Variants in ABCB9 observed in about 807,000 individuals in gnomAD.
The protein encoded by ABCB9 is ATP binding cassette subfamily B member 9, also known as ABC-type oligopeptide transporter ABCB9.
Under a neutral mutation model 62.0 loss-of-function variants are expected in ABCB9, and 36 were observed. That is an observed-to-expected ratio of 0.58 (90% CI 0.45 to 0.77). The LOEUF (loss-of-function observed/expected upper bound fraction) is 0.77. Among genes scored for constraint, ABCB9 ranks in the 30% least tolerant of loss-of-function variants. ABCB9 has a pLI of 0.00. For synonymous variants in ABCB9, 435 were observed against 461.4 expected (o/e 0.94, Z 0.73); for missense variants, 943 against 1,054.7 (o/e 0.89, Z 1.47).
intron 1 of ABCB9, among the ~76,000 whole-genome samples, chr12:122,965,680 T>G (rs923545077): frequency 6.6e-6 from 1 of 151,756 alleles, no homozygotes; most frequent in African/African-American, 2.4e-5. Flanking sequence ...GGGGATCCTG[T>G]CAGCCCAGCT....
downstream of ABCB9, among the ~76,000 whole-genome samples, chr12:122,926,429 C>A (rs946066132): frequency 6.6e-6 from 1 of 152,094 alleles, no homozygotes; most frequent in African/African-American, 2.4e-5. Context: ...CGCCTGTAGT[C>A]CCAGCTACTC....
chr12:122,938,818 ACT>A (rs1002117184), intron 9 of ABCB9, among the ~76,000 whole-genome samples: 15 of 151,566 alleles, frequency 9.9e-5, no homozygotes, highest in African/African-American at 3.2e-4. Context: ...ACAGAGCGAG[ACT>A]CTGTCTCCAA....
At chr12:122,951,820 C>G (rs2036383175) in intron 2 of ABCB9, 1 of 152,202 alleles carries the variant, frequency 6.6e-6, no homozygotes, top group South Asian at 2.1e-4. Flanking sequence ...CCAGGTCACA[C>G]AGCAAGGGGA....
At position 122,940,129 on chromosome 12, in the gene ABCB9, G is replaced by A; in HGVS notation, c.1725C>T (p.His575=). 3 of 1,612,100 alleles carry A rather than the reference G, an allele frequency of 1.9e-6. No individual in the cohort carries two copies. Among genetic ancestry groups the A allele is most frequent in the Non-Finnish European group, 2.5e-6 (3 of 1,179,270 alleles). ...CACATACCACACGGTGCAAGTACTT[G>A]TGGTCGTAGGCGCTGATGGGCTTGC... ...LDGKPISAYD[H]KYLHRVISLV... Residue 575 remains histidine (H), a synonymous_variant, in exon 9 of 12, where the codon CAC becomes CAT. Transcript: ENST00000280560. This position sits in a 1 kb window ranked among gnomAD's most constrained non-coding sequence, Gnocchi z 4.8.
At chr12:122,969,464 G>A (rs1305717623), upstream of ABCB9, among the ~76,000 whole-genome samples, 1 of 152,198 alleles carries the variant, frequency 6.6e-6, no homozygotes, top group Non-Finnish European at 1.5e-5. Context: ...TATTACAAAA[G>A]GAAGTCCAGG....
At chr12:122,933,661 T>C (rs1018880431) in intron 10 of ABCB9, among the ~76,000 whole-genome samples, 7 of 152,032 alleles carry the variant, frequency 4.6e-5, no homozygotes, top group Non-Finnish European at 8.8e-5. Flanking sequence ...ATAATATATA[T>C]TTATTATATC....
At chr12:122,931,110 T>C (rs2035132537) in intron 11 of ABCB9, among the ~76,000 whole-genome samples, 1 of 151,428 alleles carries the variant, frequency 6.6e-6, no homozygotes, top group Non-Finnish European at 1.5e-5. Context: ...TTGCAACCTC[T>C]GCTTCCCAGG....
Position 122,932,066 on chromosome 12 carries a change from G to T in ABCB9, c.2040+126C>A. The T allele has an allele frequency of 6.7e-7, 1 of 1,487,558 alleles. No homozygotes were observed. Among genetic ancestry groups the T allele is most frequent in the South Asian group, 1.2e-5 (1 of 82,348 alleles). 92.1% of individuals were successfully genotyped at this position (1,487,558 alleles called of 1,614,324 possible). The stretch of plus-strand genomic sequence containing the variant: ...TCAACACCAGGAATTCACCAGCCCA[G>T]GAGGCTGATAGTCTGGGAGAGCTCC... On this transcript the variant is annotated intron_variant, in intron 11 of 11. Coordinates refer to ENST00000280560, the MANE Select transcript of ABCB9 (RefSeq NM_019625.4). The surrounding 1 kb of genome is among the most constrained non-coding windows in gnomAD (Gnocchi z 4.7).
intron 10 of ABCB9, among the ~76,000 whole-genome samples, chr12:122,934,932 TGCCTCCACCTCCTCCTCC>T (rs1230575472): frequency 1.3e-5 from 2 of 152,074 alleles, no homozygotes; most frequent in African/African-American, 2.4e-5. Flanking sequence ...CCTCCTCCTC[TGCCTCCACCTCCTCCTCC>T]GCCTCCACCT....
intron 1 of ABCB9, among the ~76,000 whole-genome samples, chr12:122,974,021 G>A (rs2037336521): frequency 6.6e-6 from 1 of 152,220 alleles, no homozygotes. Context: ...CTCCAGCCTG[G>A]GTGAAACTCT....
intron 1 of ABCB9, among the ~76,000 whole-genome samples, chr12:122,965,395 A>C (rs1030909763): frequency 1.3e-5 from 2 of 152,230 alleles, no homozygotes; most frequent in Non-Finnish European, 2.9e-5. Flanking sequence ...GCAGCAAAGC[A>C]CTGACTGACA....
chr12:122,938,828 C>CA (rs1009302467), intron 9 of ABCB9, among the ~76,000 whole-genome samples: 45 of 139,788 alleles, frequency 3.2e-4, no homozygotes, highest in South Asian at 1.4e-3. Flanking sequence ...ACTCTGTCTC[C>CA]AAAAAAAAAT....
chr12:122,945,214 C>T (rs982027741), intron 6 of ABCB9, among the ~76,000 whole-genome samples: 4 of 152,150 alleles, frequency 2.6e-5, no homozygotes, highest in African/African-American at 9.7e-5. Context: ...GTGGCAGCAC[C>T]AGGAAGTCCC....
At position 122,962,760 on chromosome 12, in the gene ABCB9, C is replaced by T. The variant is rs553178893; in HGVS notation, c.-87-2438G>A. On this transcript the variant is annotated intron_variant, in intron 1 of 11. Coordinates refer to ENST00000280560, the MANE Select transcript of ABCB9 (RefSeq NM_019625.4). ...ACACTGCACTTCCTGTGAGCCCTGC[C>T]CTGCACCATGTGCTTCAAATCCAGG... is the stretch of plus-strand genomic sequence containing the variant. Among the ~76,000 whole-genome samples, 157 of 152,298 alleles carry T rather than the reference C, an allele frequency of 1.0e-3. 1 individual carries two copies. Among genetic ancestry groups the T allele is most frequent in the Middle Eastern group, 6.8e-3 (2 of 294 alleles).
In ABCB9 at chr12:122,949,911, C is replaced by G; in HGVS notation, c.724G>C (p.Ala242Pro). The part of the protein sequence containing the change: ...VCLLAIGSSF[A>P]AGIRGGIFTL... Reference sequence around the variant, plus strand: ...AAAATGCCGCCCCGAATACCTGCGGCAAATGAGCTAATTGCAGATAAGAGA... The same window carrying G: ...AAAATGCCGCCCCGAATACCTGCGGGAAATGAGCTAATTGCAGATAAGAGA... Residue 242 changes from alanine (A) to proline (P), a missense_variant, in exon 4 of 12, where the codon GCC (alanine) becomes CCC (proline). Transcript: ENST00000280560. 1 of 1,614,148 alleles carries G rather than the reference C, an allele frequency of 6.2e-7. No homozygotes were observed. Among genetic ancestry groups the G allele is most frequent in the Non-Finnish European group, 8.5e-7 (1 of 1,179,976 alleles).
intron 7 of ABCB9, among the ~76,000 whole-genome samples, chr12:122,943,814 C>T (rs879351313): frequency 2.6e-5 from 4 of 151,490 alleles, no homozygotes; most frequent in Non-Finnish European, 4.4e-5. Context: ...CTCTCTCTGT[C>T]GTCCAGCCTG....
intron 7 of ABCB9, among the ~76,000 whole-genome samples, chr12:122,941,785 G>A (rs984135534): frequency 6.6e-6 from 1 of 151,964 alleles, no homozygotes; most frequent in African/African-American, 2.4e-5. Flanking sequence ...GAGTGCAGTG[G>A]TGTGATCTTG....
rs963758042 is a variant in ABCB9, at chr12:122,930,498, C to T, written c.2041-327G>A. Among the ~76,000 whole-genome samples the T allele has an allele frequency of 3.3e-5, 5 of 150,934 alleles. No individual in the cohort carries two copies. Among genetic ancestry groups the T allele is most frequent in the East Asian group, 3.9e-4 (2 of 5,142 alleles). ...TCTCAGCTCACTGCAACCTCTGCCTCGTGGGTTCAATCGAGTCTCACGCCT... is the reference window on the plus strand; with the variant it reads ...TCTCAGCTCACTGCAACCTCTGCCTTGTGGGTTCAATCGAGTCTCACGCCT... On this transcript the variant is annotated intron_variant, in intron 11 of 11. Transcript: ENST00000280560. This position sits in a 1 kb window ranked among gnomAD's most constrained non-coding sequence, Gnocchi z 4.9.
chr12:122,963,235 T>C (rs1435739895), intron 1 of ABCB9, among the ~76,000 whole-genome samples: 2 of 151,948 alleles, frequency 1.3e-5, no homozygotes, highest in Non-Finnish European at 2.9e-5. Flanking sequence ...GAGGTGGAGG[T>C]TGCGGTGAGC....
Sources: gnomAD v4.1 joint callset for allele counts (sites outside exome capture counted in the v4.1 genomes callset) on GRCh38, gnomAD v4.1.1 for gene constraint, Gnocchi (gnomAD v3.1) non-coding constraint, MANE v1.5 for transcripts, NCBI Gene and HGNC (gene_info 2026-07-23, HGNC 2026-07-21) for gene names.